The following DST variants were observed in gnomAD, a reference collection of about 807,000 sequenced individuals.
DST encodes bullous pemphigoid antigen.
In DST, 253 loss-of-function variants were observed where a neutral mutation model predicts 875.2. The ratio of observed to expected loss-of-function variants is 0.29; its 90% CI spans 0.26 to 0.32. The LOEUF (loss-of-function observed/expected upper bound fraction) is 0.32. Among genes scored for constraint, DST ranks in the 10% least tolerant of loss-of-function variants. The probability of loss-of-function intolerance (pLI) is 1.00; values close to 1 mark genes in which losing one functional copy is unlikely to be tolerated. For missense variants in DST, 8,287 were observed against 9,111.6 expected (o/e 0.91, Z 3.68); for synonymous variants, 3,124 against 3,197.1 (o/e 0.98, Z 0.77).
intron 88 of DST, 36 bp downstream of exon 88, chr6:56,485,276 A>G: frequency 6.2e-7 from 1 of 1,610,968 alleles, no homozygotes; most frequent in Non-Finnish European, 8.5e-7. Flanking sequence ...CAGAATAATC[A>G]AACAAGATAA....
In DST at chr6:56,752,870, C is replaced by T. The variant is rs141107735; in HGVS notation, c.626-17581G>A. ...GCAATGGCACGATCTCAGCTCACCGCAACCTCTGCCTCCCGGGTTCAAGCA... is the reference window on the plus strand; with the variant it reads ...GCAATGGCACGATCTCAGCTCACCGTAACCTCTGCCTCCCGGGTTCAAGCA... On this transcript the variant is annotated intron_variant, in intron 4 of 103. Coordinates refer to ENST00000680361, the MANE Select transcript of DST (RefSeq NM_001374736.1). 4.8e-3 allele frequency among the ~76,000 whole-genome samples: 733 copies of T among 152,242 alleles called. 5 individuals are homozygous for T. Among genetic ancestry groups the T allele is most frequent in the African/African-American group, 0.017 (701 of 41,536 alleles).
intron 91 of DST, 134 bp from the exon 92 acceptor site, chr6:56,476,471 G>T (rs1209256589): frequency 2.8e-6 from 2 of 719,820 alleles, no homozygotes; most frequent in Admixed American, 6.5e-5. Context: ...GGTCTTTTTA[G>T]ATTCCATTAG....
rs1284575100 is a variant in DST at position 56,615,016 on chromosome 6, T to A, written c.4930-532A>T. 4.0e-6 allele frequency: 4 copies of A among 998,370 alleles called. No individual in the cohort carries two copies. The African/African-American group carries it at 7.0e-5, about 17-fold the overall frequency. 61.8% of individuals were successfully genotyped at this position (998,370 alleles called of 1,614,324 possible). The stretch of plus-strand genomic sequence containing the variant: ...TAAACATTTTAATATGCAAAGAAGG[T>A]CACTATATACAGAAAAAGGCAAAAC... On this transcript the variant is annotated intron_variant, in intron 36 of 103. Coordinates refer to ENST00000680361, the MANE Select transcript of DST (RefSeq NM_001374736.1).
Position 56,607,944 on chromosome 6 carries a change from C to T in DST, c.6684G>A (p.Glu2228=), listed in dbSNP as rs374794060. The change falls in exon 40 of 104, where the codon GAG becomes GAA. Residue 2228 remains glutamate, a synonymous_variant. Coordinates refer to ENST00000680361, the MANE Select transcript of DST (RefSeq NM_001374736.1). ...AGCCTTCCAGTAGCATGCCAACAGC[C>T]TCATCCAAGTCTCCATCGTACAGCA... ...RLLLYDGDLD[E]AVGMLLEGCH... 4 of 1,613,554 alleles carry T rather than the reference C, an allele frequency of 2.5e-6. No homozygotes were observed. Among genetic ancestry groups the T allele is most frequent in the Non-Finnish European group, 3.4e-6 (4 of 1,179,756 alleles).
At chr6:56,704,769 A>G (rs760234228) in intron 5 of DST, among the ~76,000 whole-genome samples, 6 of 152,200 alleles carry the variant, frequency 3.9e-5, no homozygotes, top group Non-Finnish European at 8.8e-5. Flanking sequence ...AGCCTAAAAC[A>G]GGTTCAAGGA....
intron 3 of DST, among the ~76,000 whole-genome samples, chr6:56,861,029 TC>T (rs141829442): frequency 0.04 from 6,124 of 152,276 alleles, 143 homozygotes; most frequent in Non-Finnish European, 0.063. Context: ...ATTCAGTTCT[TC>T]TCTATTGACA....
At chr6:56,556,204 T>G (rs943382870) in intron 59 of DST, among the ~76,000 whole-genome samples, 14 of 152,348 alleles carry the variant, frequency 9.2e-5, no homozygotes, top group African/African-American at 2.9e-4. Flanking sequence ...GTAGGATTTT[T>G]GGAATACCCT....
chr6:56,494,709 T>G (rs1398885922), intron 82 of DST, among the ~76,000 whole-genome samples: 1 of 152,134 alleles, frequency 6.6e-6, no homozygotes, highest in Non-Finnish European at 1.5e-5. Context: ...ATCAAACTTG[T>G]GGTACTATGA....
chr6:56,636,937 G>A (rs1243891998), intron 22 of DST, among the ~76,000 whole-genome samples: 1 of 152,160 alleles, frequency 6.6e-6, no homozygotes. Context: ...ACAAAAATTA[G>A]CCAGGTATGG....
In DST at chr6:56,557,536, A is replaced by C. The variant is rs149890888; in HGVS notation, c.14441-18T>G. 25 of 1,583,688 alleles carry C rather than the reference A, an allele frequency of 1.6e-5. No homozygotes were observed. The East Asian group carries it at 5.4e-4, about 34-fold the overall frequency. On this transcript the variant is annotated intron_variant, in intron 58 of 103. Coordinates refer to ENST00000680361, the MANE Select transcript of DST (RefSeq NM_001374736.1). ...CTTAGAATCTAAAAGAAAAAAAATGAAACTGGTGTTTGACATTTTTTGCAT... is the reference window on the plus strand; with the variant it reads ...CTTAGAATCTAAAAGAAAAAAAATGCAACTGGTGTTTGACATTTTTTGCAT...
intron 2 of DST, among the ~76,000 whole-genome samples, chr6:56,921,719 ATAT>A (rs879729470): frequency 7.2e-5 from 11 of 152,224 alleles, no homozygotes; most frequent in Non-Finnish European, 1.5e-4. Flanking sequence ...ATACATATAC[ATAT>A]TGAGTGTGCA....
intron 5 of DST, among the ~76,000 whole-genome samples, chr6:56,730,646 C>T (rs2099494075): frequency 6.6e-6 from 1 of 152,236 alleles, no homozygotes; most frequent in East Asian, 1.9e-4. Context: ...CAGGTATTTC[C>T]AATAACAACC....
In DST at chr6:56,609,993, G is replaced by A. The variant is rs145782135; in HGVS notation, c.5283+434C>T. 1.6e-3 allele frequency among the ~76,000 whole-genome samples: 249 copies of A among 152,264 alleles called. 3 individuals carry two copies. The highest frequency in any genetic ancestry group is 0.014 in the Admixed American group (208 of 15,284). ...ATTTATACTTTAAGAAGATGCTAGGGCATCCTCACTATAATGTATGGCCTT... is the reference window on the plus strand; with the variant it reads ...ATTTATACTTTAAGAAGATGCTAGGACATCCTCACTATAATGTATGGCCTT... On this transcript the variant is annotated intron_variant, in intron 39 of 103. Transcript: ENST00000680361.
chr6:56,793,958 G>A (rs1196990806), intron 4 of DST, among the ~76,000 whole-genome samples: 1 of 152,216 alleles, frequency 6.6e-6, no homozygotes, highest in Non-Finnish European at 1.5e-5. Flanking sequence ...AGTCATGACT[G>A]ATTTAAGGAG....
Position 56,608,289 on chromosome 6 carries a change from T to C in DST, c.6339A>G (p.Pro2113=). 1 of 1,613,618 alleles carries C rather than the reference T, an allele frequency of 6.2e-7. No individual in the cohort carries two copies. The highest frequency in any genetic ancestry group is 8.5e-7 in the Non-Finnish European group (1 of 1,179,806). The change falls in exon 40 of 104, where the codon CCA becomes CCG. Residue 2113 remains proline, a synonymous_variant. Coordinates refer to ENST00000680361, the MANE Select transcript of DST (RefSeq NM_001374736.1). ...CCAAACCAATGACTTGAGAACTTTC[T>C]GGAATATAAAGAGCAGCTATTTTTT... ...GRQKIAALYI[P]ESSQVIGLDA...
chr6:56,874,963 A>T (rs186913878), intron 3 of DST, among the ~76,000 whole-genome samples: 37 of 152,190 alleles, frequency 2.4e-4, no homozygotes, highest in Admixed American at 1.3e-3. Flanking sequence ...TCTATTTGGA[A>T]CCTAAGCCAC....
At chr6:56,726,663 A>T (rs2099460383) in intron 5 of DST, among the ~76,000 whole-genome samples, 4 of 152,212 alleles carry the variant, frequency 2.6e-5, no homozygotes. Flanking sequence ...AGACCTTTTT[A>T]GCTTTATAAG....
intron 2 of DST, among the ~76,000 whole-genome samples, chr6:56,905,217 G>A (rs548611675): frequency 1.6e-4 from 23 of 146,280 alleles, no homozygotes; most frequent in Admixed American, 7.4e-4. Flanking sequence ...ATGTGCACTC[G>A]TGTGTGTGTG....
chr6:56,772,680 G>A (rs2099669413), intron 4 of DST, among the ~76,000 whole-genome samples: 5 of 152,148 alleles, frequency 3.3e-5, no homozygotes. Context: ...TTCATTAGAG[G>A]ATGCCCCAAA....
Sources: allele counts gnomAD v4.1 joint callset (sites outside exome capture counted in the v4.1 genomes callset), GRCh38; gene constraint gnomAD v4.1.1; transcripts MANE v1.5; gene names NCBI Gene and HGNC (gene_info 2026-07-23, HGNC 2026-07-21).